ZNF215: variants seen among roughly 807,000 people sequenced by gnomAD.
The protein encoded by ZNF215 is zinc finger protein 215.
ZNF215 carries 24 observed loss-of-function variants against 27.2 expected under a neutral mutation model. The observed-to-expected ratio is 0.88, with a 90% CI of 0.64 to 1.24. The LOEUF is 1.24. ZNF215 is among the 50% of genes most tolerant of loss of function. The probability of loss-of-function intolerance (pLI) is 0.00; values close to 1 mark genes in which losing one functional copy is unlikely to be tolerated. For synonymous variants in ZNF215, 210 were observed against 204.0 expected (o/e 1.03, Z -0.25); for missense variants, 675 against 605.7 (o/e 1.11, Z -1.20).
intron 5 of ZNF215, among the ~76,000 whole-genome samples, chr11:6,964,585 T>A (rs1478340866): frequency 2.6e-5 from 4 of 152,034 alleles, no homozygotes; most frequent in Non-Finnish European, 5.9e-5. Flanking sequence ...GAGTCTGTTT[T>A]CTTTCACTGA....
chr11:6,928,702 T>C (rs1364616461), intron 2 of ZNF215, among the ~76,000 whole-genome samples: 1 of 152,236 alleles, frequency 6.6e-6, no homozygotes, highest in Non-Finnish European at 1.5e-5. Context: ...TGTTTTGTCT[T>C]TGACATATGG....
intron 5 of ZNF215, 70 bp downstream of exon 5, chr11:6,943,285 G>C (rs1849693607): frequency 1.3e-6 from 2 of 1,534,896 alleles, no homozygotes; most frequent in African/African-American, 2.8e-5. Flanking sequence ...CTATAGGACT[G>C]CTGAAGTGGC....
downstream of ZNF215, among the ~76,000 whole-genome samples, chr11:6,992,998 C>T (rs1564982766): frequency 6.6e-6 from 1 of 152,172 alleles, no homozygotes; most frequent in Non-Finnish European, 1.5e-5. Context: ...CCCGGTATCA[C>T]ATAACAATGT....
chr11:6,992,358 A>G (rs370690226), downstream of ZNF215, among the ~76,000 whole-genome samples: 9 of 152,348 alleles, frequency 5.9e-5, no homozygotes, highest in African/African-American at 2.2e-4. Context: ...CATAATTAAT[A>G]TATTGTCAAA....
intron 6 of ZNF215, among the ~76,000 whole-genome samples, chr11:6,951,446 C>T (rs1199085695): frequency 2.0e-5 from 3 of 152,174 alleles, no homozygotes; most frequent in African/African-American, 7.2e-5. Flanking sequence ...TCAGCTTCTT[C>T]CTTGTTTAGT....
intron 3 of ZNF215, among the ~76,000 whole-genome samples, chr11:6,940,508 C>G (rs1434639707): frequency 1.3e-5 from 2 of 152,110 alleles, no homozygotes; most frequent in Middle Eastern, 3.2e-3. Flanking sequence ...AGGAATCTCC[C>G]TATGTTGCTT....
intron 6 of ZNF215, 128 bp from the exon 7 acceptor site, chr11:6,955,562 A>C: frequency 1.0e-6 from 1 of 979,008 alleles, no homozygotes; most frequent in Non-Finnish European, 1.4e-6. Flanking sequence ...TTTTTTTCTA[A>C]CCTTGCCTCA....
At chr11:6,977,675 C>A (rs1205902153) in intron 5 of ZNF215, among the ~76,000 whole-genome samples, 4 of 151,918 alleles carry the variant, frequency 2.6e-5, no homozygotes, top group Non-Finnish European at 5.9e-5. Flanking sequence ...CAGAAGAAAA[C>A]CAAACCTGCT....
chr11:6,953,525 A>G (rs1373924681), intron 6 of ZNF215, among the ~76,000 whole-genome samples: 1 of 152,144 alleles, frequency 6.6e-6, no homozygotes, highest in African/African-American at 2.4e-5. Context: ...AGTTGATCGC[A>G]TCAGCTCCTG....
In ZNF215 at chr11:6,932,364, G is replaced by T. The variant is rs779440122; in HGVS notation, c.92G>T (p.Trp31Leu). ...QREVLRADMSWQQETNPVVET... is the reference protein window; with the variant it reads ...QREVLRADMSLQQETNPVVET... Reference sequence around the variant, plus strand: ...GAGGTTCTGAGAGCAGATATGTCTTGGCAGCAGGAAACCAACCCCGTCGTG... The same window carrying T: ...GAGGTTCTGAGAGCAGATATGTCTTTGCAGCAGGAAACCAACCCCGTCGTG... Residue 31 changes from tryptophan to leucine, a missense_variant, in exon 3 of 7, where the codon TGG becomes TTG. Transcript: ENST00000278319. 6.2e-7 allele frequency: 1 copy of T among 1,614,144 alleles called. No individual in the cohort carries two copies. The highest frequency in any genetic ancestry group is 1.1e-5 in the South Asian group (1 of 91,078).
At position 6,955,790 on chromosome 11, in the gene ZNF215, T is replaced by C. The variant is rs375617553; in HGVS notation, c.813T>C (p.Asn271=). 152 of 1,613,640 alleles carry C rather than the reference T, an allele frequency of 9.4e-5. 1 individual carries two copies. The highest frequency in any genetic ancestry group is 4.8e-4 in the Admixed American group (29 of 59,912). The part of the protein sequence containing the change: ...HPSSDAWKGE[N]WLYRNQKKWD... The stretch of plus-strand genomic sequence containing the variant: ...CTTCAGATGCCTGGAAAGGTGAGAA[T>C]TGGTTATATAGGAACCAGAAAAAAT... The change falls in exon 7 of 7, where the codon AAT becomes AAC. Residue 271 remains asparagine (N), a synonymous_variant. Coordinates refer to ENST00000278319, the MANE Select transcript of ZNF215 (RefSeq NM_013250.4).
rs1223543982 is a variant in ZNF215 at position 6,957,280 on chromosome 11, G to C, written c.*749G>C. ...CAGCCAGGGACACTGTGTGGAGTTCGCACACTCTCCCTATGTCTCCGGGTG... is the reference window on the plus strand; with the variant it reads ...CAGCCAGGGACACTGTGTGGAGTTCCCACACTCTCCCTATGTCTCCGGGTG... On this transcript the variant is annotated 3_prime_UTR_variant, in exon 7 of 7. Transcript: ENST00000278319. 2.7e-6 allele frequency: 2 copies of C among 730,030 alleles called. No individual in the cohort carries two copies. The highest frequency in any genetic ancestry group is 3.3e-6 in the Non-Finnish European group (2 of 597,078). The allele number at this position is 730,030 out of a possible 1,614,324, so 45.2% of individuals were successfully genotyped here. A position where few individuals can be genotyped will look rare whatever the true frequency, so the allele number is the denominator to read the frequency against.
chr11:6,961,593 T>A (rs532211853), downstream of ZNF215, among the ~76,000 whole-genome samples: 2 of 152,260 alleles, frequency 1.3e-5, no homozygotes, highest in South Asian at 4.1e-4. Context: ...TGCAACACTT[T>A]ATGTTGAGTA....
At chr11:6,979,819 T>C (rs1850910784) in intron 5 of ZNF215, among the ~76,000 whole-genome samples, 1 of 152,144 alleles carries the variant, frequency 6.6e-6, no homozygotes, top group Non-Finnish European at 1.5e-5. Context: ...TTTTAAAATA[T>C]ATTGCTGAGA....
At position 6,956,485 on chromosome 11, in the gene ZNF215, C is replaced by A; in HGVS notation, c.1508C>A (p.Ser503Ter). 2 of 1,608,030 alleles carry A rather than the reference C, an allele frequency of 1.2e-6. No individual in the cohort carries two copies. Among genetic ancestry groups the A allele is most frequent in the South Asian group, 2.2e-5 (2 of 89,644 alleles). ...TGTAGTAAAGCCTTCAACAGGAGTT[C>A]AAACCTTGTTAAACATCAAAAACTG... ...KECSKAFNRS[S>*]NLVKHQKLHT... Residue 503 changes from serine to a stop codon, truncating the protein, a stop_gained, in exon 7 of 7, where the codon TCA becomes TAA. Transcript: ENST00000278319. LOFTEE classifies it low-confidence loss of function (END_TRUNC).
At chr11:6,988,955 G>C (rs1272745236), downstream of ZNF215, 1 of 151,960 alleles carries the variant, frequency 6.6e-6, no homozygotes, top group Non-Finnish European at 1.5e-5. Flanking sequence ...TCAGGAATTT[G>C]AGACCAGCCT....
intron 6 of ZNF215, among the ~76,000 whole-genome samples, chr11:6,944,013 C>T (rs1191260328): frequency 1.3e-5 from 2 of 152,184 alleles, no homozygotes; most frequent in East Asian, 1.9e-4. Flanking sequence ...TGGTGGCTCA[C>T]GCCTGTAATC....
intron 3 of ZNF215, among the ~76,000 whole-genome samples, chr11:6,938,620 A>T (rs1328779174): frequency 6.6e-6 from 1 of 151,874 alleles, no homozygotes; most frequent in Non-Finnish European, 1.5e-5. Flanking sequence ...AAATGGATGG[A>T]CCTCCAAAAC....
chr11:6,966,495 GAAAGAAAAAAAAAAT>G (rs1850620076), intron 5 of ZNF215, among the ~76,000 whole-genome samples: 2 of 147,746 alleles, frequency 1.4e-5, no homozygotes, highest in African/African-American at 5.0e-5. Flanking sequence ...ATAAAAGTTG[GAAAGAAAAAAAAAAT>G]GTTTATATCA....
Sources: gnomAD v4.1 joint callset for allele counts (sites outside exome capture counted in the v4.1 genomes callset) on GRCh38, gnomAD v4.1.1 for gene constraint, MANE v1.5 for transcripts, NCBI Gene and HGNC (gene_info 2026-07-23, HGNC 2026-07-21) for gene names.